DIAPH2: variants seen among roughly 807,000 people sequenced by gnomAD.
DIAPH2 encodes diaphanous related formin 2.
DIAPH2 carries 35 observed loss-of-function variants against 92.7 expected under a neutral mutation model. The ratio of observed to expected loss-of-function variants is 0.38; its 90% CI spans 0.29 to 0.50. The LOEUF (loss-of-function observed/expected upper bound fraction) is 0.50, where lower values mean the gene tolerates loss of function less well. DIAPH2 is among the 20% of genes least tolerant of loss of function. DIAPH2 has a pLI of 0.94. For missense variants in DIAPH2, 701 were observed against 819.5 expected (o/e 0.86, Z 1.77); for synonymous variants, 301 against 280.4 (o/e 1.07, Z -0.73).
chrX:96,749,145 A>AAAAAATATATATAT (rs1252042191), intron 3 of DIAPH2, among the ~76,000 whole-genome samples: 2 of 79,825 alleles, frequency 2.5e-5, no homozygotes, highest in African/African-American at 1.0e-4. Flanking sequence ...AAAAAAAAAA[A>AAAAAATATATATAT]ATATATATAT....
At chrX:96,883,627 G>A (rs1032465508) in intron 5 of DIAPH2, among the ~76,000 whole-genome samples, 1 of 110,725 alleles carries the variant, frequency 9.0e-6, no homozygotes, top group African/African-American at 3.3e-5. Context: ...TAATCAACCT[G>A]CCTCAGCCTC....
At chrX:97,368,899 CTT>C (rs386417287) in intron 24 of DIAPH2, among the ~76,000 whole-genome samples, 2 of 52,058 alleles carry the variant, frequency 3.8e-5, no homozygotes, top group East Asian at 7.7e-4. Flanking sequence ...TCTACCCTTT[CTT>C]TTTTTTTTTT....
intron 4 of DIAPH2, among the ~76,000 whole-genome samples, chrX:96,784,804 A>G (rs2064443296): frequency 8.9e-6 from 1 of 112,232 alleles, no homozygotes; most frequent in Non-Finnish European, 1.9e-5. Context: ...ATTATTGTGT[A>G]GTAAATCATC....
intron 4 of DIAPH2, among the ~76,000 whole-genome samples, chrX:96,788,118 A>G (rs1019915495): frequency 9.0e-6 from 1 of 111,701 alleles, no homozygotes; most frequent in Non-Finnish European, 1.9e-5. Context: ...GTATAACTAC[A>G]TTAAAGTATA....
At chrX:97,516,357 A>G (rs139727736) in intron 26 of DIAPH2, among the ~76,000 whole-genome samples, 92 of 112,357 alleles carry the variant, frequency 8.2e-4, no homozygotes, top group African/African-American at 2.9e-3. Context: ...TGGGAAATAT[A>G]AATGTAGAAA....
intron 4 of DIAPH2, among the ~76,000 whole-genome samples, chrX:96,790,168 C>T (rs2064489563): frequency 9.2e-6 from 1 of 108,848 alleles, no homozygotes; most frequent in South Asian, 4.0e-4. Flanking sequence ...CTCCTGGGTT[C>T]TAGTGATTCT....
intron 26 of DIAPH2, among the ~76,000 whole-genome samples, chrX:97,509,747 G>C (rs6620297): frequency 2.8e-5 from 3 of 107,189 alleles, no homozygotes; most frequent in Non-Finnish European, 3.8e-5. Context: ...CTATGAGTGA[G>C]AACATGTGGT....
intron 26 of DIAPH2, among the ~76,000 whole-genome samples, chrX:97,509,849 T>C (rs1378714701): frequency 4.5e-5 from 5 of 110,868 alleles, no homozygotes; most frequent in African/African-American, 1.3e-4. Flanking sequence ...CATCATTTTT[T>C]ATGGCTGCAT....
rs192567606 is a variant in DIAPH2, at chrX:97,195,594, G to T, written c.2720-52121G>T. On this transcript the variant is annotated intron_variant, in intron 22 of 26. Transcript: ENST00000324765. ...GAGAATCGCTTGAACCTGGGGGGTG[G>T]AGGTTGCAGTGAGCTGAGATCTCGC... is the stretch of plus-strand genomic sequence containing the variant. Among the ~76,000 whole-genome samples, 56 of 106,243 alleles carry T rather than the reference G, an allele frequency of 5.3e-4. No homozygotes were observed. The East Asian group carries it at 0.017, about 32-fold the overall frequency. 92.3% of individuals were successfully genotyped at this position (106,243 alleles called of 115,157 possible).
At chrX:97,220,182 T>G (rs2067913036) in intron 22 of DIAPH2, among the ~76,000 whole-genome samples, 1 of 111,101 alleles carries the variant, frequency 9.0e-6, no homozygotes, top group Non-Finnish European at 1.9e-5. Context: ...TCTTTGGCTA[T>G]TCTTTGTTGC....
At chrX:96,851,967 G>C (rs946059222) in intron 4 of DIAPH2, among the ~76,000 whole-genome samples, 1 of 111,667 alleles carries the variant, frequency 9.0e-6, no homozygotes. Flanking sequence ...ATTGATGATC[G>C]TATTTTTTTG....
At chrX:97,448,898 C>T (rs766455864) in intron 26 of DIAPH2, among the ~76,000 whole-genome samples, 5 of 111,742 alleles carry the variant, frequency 4.5e-5, no homozygotes, top group Non-Finnish European at 9.4e-5. Context: ...AATATAATAG[C>T]TATTGTGTTC....
intron 22 of DIAPH2, among the ~76,000 whole-genome samples, chrX:97,223,432 C>T (rs911978246): frequency 2.7e-5 from 3 of 110,697 alleles, no homozygotes; most frequent in African/African-American, 9.8e-5. Context: ...TTTTTAACCC[C>T]CCACCAGTTT....
At chrX:96,927,040 G>C (rs1448988622) in intron 9 of DIAPH2, among the ~76,000 whole-genome samples, 1 of 111,200 alleles carries the variant, frequency 9.0e-6, no homozygotes, top group Non-Finnish European at 1.9e-5. Flanking sequence ...TCTAAGATCA[G>C]GAGAAATGAT....
chrX:97,507,001 T>C (rs1161141765), intron 26 of DIAPH2, among the ~76,000 whole-genome samples: 1 of 109,919 alleles, frequency 9.1e-6, no homozygotes, highest in Admixed American at 9.8e-5. Context: ...CTTTAAAGAG[T>C]TGTAAAAACA....
chrX:97,596,775 A>G (rs1258272734), intron 26 of DIAPH2, among the ~76,000 whole-genome samples: 1 of 112,169 alleles, frequency 8.9e-6, no homozygotes, highest in Admixed American at 9.5e-5. Context: ...TTTTAATACT[A>G]TAAATATAAA....
intron 26 of DIAPH2, among the ~76,000 whole-genome samples, chrX:97,488,577 T>G (rs754339276): frequency 2.9e-4 from 33 of 112,079 alleles, no homozygotes; most frequent in African/African-American, 1.1e-3. Context: ...TTTTGTAGGT[T>G]TAGGTCTTAC....
intron 26 of DIAPH2, among the ~76,000 whole-genome samples, chrX:97,568,441 T>C (rs950880534): frequency 1.8e-5 from 2 of 111,226 alleles, no homozygotes; most frequent in African/African-American, 6.5e-5. Flanking sequence ...GGGTGGTTGG[T>C]ACAATAAGAT....
At chrX:97,507,832 G>A (rs1487764661) in intron 26 of DIAPH2, among the ~76,000 whole-genome samples, 1 of 111,490 alleles carries the variant, frequency 9.0e-6, no homozygotes, top group Non-Finnish European at 1.9e-5. Flanking sequence ...CCCTTTGAAA[G>A]TGATGATAGA....
Sources: allele counts gnomAD v4.1 joint callset (sites outside exome capture counted in the v4.1 genomes callset), GRCh38; gene constraint gnomAD v4.1.1; transcripts MANE v1.5; gene names NCBI Gene and HGNC (gene_info 2026-07-23, HGNC 2026-07-21).